CD247: variants seen among roughly 807,000 people sequenced by gnomAD.
CD247 encodes the protein T-cell surface glycoprotein CD3 zeta chain.
CD247 carries 13 observed loss-of-function variants against 30.0 expected under a neutral mutation model. That is an observed-to-expected ratio of 0.43 (90% CI 0.28 to 0.69). The LOEUF is 0.69. Ranked by LOEUF, CD247 falls within the 30% of genes least tolerant of loss-of-function variation. The pLI is 0.16. For missense variants in CD247, 193 were observed against 212.6 expected, an observed-to-expected ratio of 0.91 and a Z score of 0.57; for synonymous variants, 72 against 80.0, an observed-to-expected ratio of 0.90 and a Z score of 0.53.
chr1:167,436,266 T>G (rs1651541125), intron 4 of CD247, among the ~76,000 whole-genome samples: 1 of 152,184 alleles, frequency 6.6e-6, no homozygotes, highest in Admixed American at 6.5e-5. Flanking sequence ...TTTAACATCC[T>G]TTCATGCTAA....
chr1:167,489,501 T>C (rs1451982543), intron 1 of CD247, among the ~76,000 whole-genome samples: 1 of 152,158 alleles, frequency 6.6e-6, no homozygotes, highest in African/African-American at 2.4e-5. Flanking sequence ...ATGGGAAGTT[T>C]GACCCTATTC....
chr1:167,487,941 G>T (rs957147724), intron 1 of CD247, among the ~76,000 whole-genome samples: 1 of 152,140 alleles, frequency 6.6e-6, no homozygotes, highest in South Asian at 2.1e-4. Flanking sequence ...GTCTCACTAT[G>T]TTGCCCAGGT....
chr1:167,512,204 C>T (rs564824712), intron 1 of CD247, among the ~76,000 whole-genome samples: 11 of 152,276 alleles, frequency 7.2e-5, no homozygotes, highest in African/African-American at 2.4e-4. Context: ...GAAGTCCTTG[C>T]ACGGCCCCCA....
chr1:167,500,081 C>T (rs1337552318), intron 1 of CD247, among the ~76,000 whole-genome samples: 1 of 152,180 alleles, frequency 6.6e-6, no homozygotes, highest in Admixed American at 6.5e-5. Context: ...TATTCTATTT[C>T]TTATGCTGCA....
chr1:167,448,881 T>C (rs965796767), intron 1 of CD247, among the ~76,000 whole-genome samples: 1 of 152,102 alleles, frequency 6.6e-6, no homozygotes, highest in African/African-American at 2.4e-5. Context: ...TAAACAAAAA[T>C]TTTTTTAAAA....
At chr1:167,502,904 T>G (rs1473037760) in intron 1 of CD247, among the ~76,000 whole-genome samples, 1 of 152,186 alleles carries the variant, frequency 6.6e-6, no homozygotes, top group Non-Finnish European at 1.5e-5. Context: ...GAACCAACCC[T>G]GCAGACACCT....
At chr1:167,445,645 C>T (rs1428417378) in intron 1 of CD247, among the ~76,000 whole-genome samples, 3 of 152,094 alleles carry the variant, frequency 2.0e-5, no homozygotes, top group Non-Finnish European at 4.4e-5. Flanking sequence ...CGCACCTATC[C>T]TTACAGAATC....
intron 1 of CD247, among the ~76,000 whole-genome samples, chr1:167,468,412 A>C (rs1653361304): frequency 1.3e-5 from 2 of 152,204 alleles, no homozygotes; most frequent in African/African-American, 4.8e-5. Flanking sequence ...GAACAGAGTC[A>C]ATTTTTTCTT....
chr1:167,447,944 A>T (rs1194086395), intron 1 of CD247, among the ~76,000 whole-genome samples: 2 of 108,324 alleles, frequency 1.8e-5, no homozygotes, highest in Non-Finnish European at 1.9e-5. Context: ...TGTTCTTAGG[A>T]AGGCAGTGGC....
At chr1:167,449,651 A>G (rs1652261761) in intron 1 of CD247, among the ~76,000 whole-genome samples, 2 of 152,046 alleles carry the variant, frequency 1.3e-5, no homozygotes, top group Non-Finnish European at 1.5e-5. Context: ...GGGCAGGTGC[A>G]GTGGCTCACG....
chr1:167,512,267 T>C (rs916996084), intron 1 of CD247, among the ~76,000 whole-genome samples: 1 of 152,152 alleles, frequency 6.6e-6, no homozygotes, highest in African/African-American at 2.4e-5. Flanking sequence ...TCCTTGGATT[T>C]TTCACAGCAG....
intron 7 of CD247, among the ~76,000 whole-genome samples, chr1:167,432,238 C>G (rs765946759): frequency 4.6e-5 from 7 of 152,204 alleles, no homozygotes; most frequent in Non-Finnish European, 7.4e-5. Flanking sequence ...CCTTCCCAGG[C>G]CCGGTGATTC....
At chr1:167,469,816 G>A (rs1029767775) in intron 1 of CD247, among the ~76,000 whole-genome samples, 1 of 152,160 alleles carries the variant, frequency 6.6e-6, no homozygotes, top group Non-Finnish European at 1.5e-5. Flanking sequence ...TCTCCTAGAT[G>A]TCTTGGAGAG....
chr1:167,484,631 G>A (rs1431501174), intron 1 of CD247, among the ~76,000 whole-genome samples: 1 of 152,182 alleles, frequency 6.6e-6, no homozygotes, highest in Non-Finnish European at 1.5e-5. Flanking sequence ...ACAAAAATTA[G>A]CCAGGCGTCA....
At position 167,508,096 on chromosome 1, in the gene CD247, C is replaced by T. The variant is rs529065205; in HGVS notation, c.58+10312G>A. On this transcript the variant is annotated intron_variant, in intron 1 of 7. Transcript: ENST00000362089. ...GCTTCCAAAATCTTACCCTCCGTGT[C>T]CTCCCCACCAGCCCCTTTGGACTGC... 3.3e-5 allele frequency among the ~76,000 whole-genome samples: 5 copies of T among 152,294 alleles called. No individual in the cohort carries two copies. The South Asian group carries it at 1.0e-3, about 32-fold the overall frequency.
chr1:167,440,092 T>C (rs886912402), intron 2 of CD247: 1 of 164,736 alleles, frequency 6.1e-6, no homozygotes, highest in African/African-American at 2.4e-5. Flanking sequence ...AAATAAAATA[T>C]TATGCCAAAG....
intron 1 of CD247, among the ~76,000 whole-genome samples, chr1:167,507,501 G>T (rs990995222): frequency 6.6e-6 from 1 of 152,072 alleles, no homozygotes; most frequent in African/African-American, 2.4e-5. Flanking sequence ...AATTATTCCA[G>T]ACTTGAATGC....
chr1:167,447,842 C>A (rs969858109), intron 1 of CD247, among the ~76,000 whole-genome samples: 1 of 152,088 alleles, frequency 6.6e-6, no homozygotes, highest in Admixed American at 6.5e-5. Context: ...CAACTTTGAG[C>A]CCTGAGTCCT....
At chr1:167,440,823 C>T in intron 1 of CD247, 56 bp from the exon 2 acceptor site, 1 of 1,121,114 alleles carries the variant, frequency 8.9e-7, no homozygotes. Context: ...AACACATCCC[C>T]ATTACCCCAG....
Sources: gnomAD v4.1 joint callset for allele counts (sites outside exome capture counted in the v4.1 genomes callset) on GRCh38, gnomAD v4.1.1 for gene constraint, MANE v1.5 for transcripts, NCBI Gene and HGNC (gene_info 2026-07-23, HGNC 2026-07-21) for gene names.